The following LAMB1 variants were observed in gnomAD, a reference collection of about 807,000 sequenced individuals.
LAMB1 encodes laminin subunit beta-1.
Under a neutral mutation model 222.3 loss-of-function variants are expected in LAMB1, and 121 were observed. The ratio of observed to expected loss-of-function variants is 0.54; its 90% CI spans 0.47 to 0.63. The LOEUF is 0.63. Ranked by LOEUF, LAMB1 falls within the 30% of genes least tolerant of loss-of-function variation. The pLI is 0.00. For synonymous variants in LAMB1, 794 were observed against 807.2 expected, an observed-to-expected ratio of 0.98 and a Z score of 0.28; for missense variants, 2,172 against 2,240.8, an observed-to-expected ratio of 0.97 and a Z score of 0.62.
intron 28 of LAMB1, 133 bp downstream of exon 28, chr7:107,932,041 C>T (rs2116326873): frequency 1.2e-6 from 1 of 847,028 alleles, no homozygotes; most frequent in Non-Finnish European, 1.9e-6. Flanking sequence ...GAAACATGAA[C>T]TTTCATATTT....
intron 27 of LAMB1, among the ~76,000 whole-genome samples, chr7:107,933,154 C>T (rs1331686953): frequency 6.6e-6 from 1 of 152,160 alleles, no homozygotes; most frequent in Non-Finnish European, 1.5e-5. Flanking sequence ...TTGGTCATGG[C>T]ATACAAATGC....
intron 24 of LAMB1, among the ~76,000 whole-genome samples, chr7:107,947,279 G>T (rs1221591985): frequency 6.6e-6 from 1 of 152,136 alleles, no homozygotes; most frequent in Admixed American, 6.5e-5. Context: ...TACTTAGCTA[G>T]GACTTAAATC....
chr7:107,929,129 C>A lies in LAMB1; in HGVS notation c.4822G>T (p.Ala1608Ser), dbSNP rs367600316. 34 of 1,613,882 alleles carry A rather than the reference C, an allele frequency of 2.1e-5. No individual in the cohort carries two copies. Among genetic ancestry groups the A allele is most frequent in the Non-Finnish European group, 2.8e-5 (33 of 1,179,952 alleles). Residue 1608 changes from alanine (A) to serine (S), a missense_variant, in exon 31 of 34, where the codon GCA (alanine) becomes TCA (serine). Coordinates refer to ENST00000222399, the MANE Select transcript of LAMB1 (RefSeq NM_002291.3). ...GCTTGTTTAATTGCCTTCTCTGCTG[C>A]GACCTGGGCCTTTTCTGCTTCTTCC... The part of the protein sequence containing the change: ...ALEEAEKAQV[A>S]AEKAIKQADE...
At chr7:107,995,965 G>C (rs562564780) in intron 4 of LAMB1, among the ~76,000 whole-genome samples, 1 of 152,136 alleles carries the variant, frequency 6.6e-6, no homozygotes, top group Non-Finnish European at 1.5e-5. Flanking sequence ...GGTGAGGAAA[G>C]TGGTCATTGG....
Position 107,931,464 on chromosome 7 carries a change from GT to G in LAMB1, c.4428del (p.Lys1476AsnfsTer9). On this transcript the variant is annotated frameshift_variant, in exon 29 of 34. Coordinates refer to ENST00000222399, the MANE Select transcript of LAMB1 (RefSeq NM_002291.3). LOFTEE classifies it high-confidence loss of function. ...TTCAACAGAATGTCTTCAGCACTTT[GT>G]TTTGCCTCATCTGCCCTCAGTTTTG... The part of the protein sequence containing the change: ...SEAKLRADEA[K>X]QSAEDILLKT... 1 of 1,613,626 alleles carries G rather than the reference GT, an allele frequency of 6.2e-7. No homozygotes were observed.
chr7:107,978,863 A>T (rs917144109), intron 8 of LAMB1, among the ~76,000 whole-genome samples: 1 of 152,222 alleles, frequency 6.6e-6, no homozygotes, highest in Non-Finnish European at 1.5e-5. Context: ...CTTGAGGCAT[A>T]TAAATGATAA....
At chr7:107,951,145 T>C (rs2033238759) in intron 24 of LAMB1, 81 bp downstream of exon 24, 1 of 991,594 alleles carries the variant, frequency 1.0e-6, no homozygotes, top group African/African-American at 1.6e-5. Flanking sequence ...TACTGTGTTT[T>C]ATAATTTACA....
chr7:107,986,965 T>C (rs1380406212), intron 5 of LAMB1, among the ~76,000 whole-genome samples: 6 of 152,176 alleles, frequency 3.9e-5, no homozygotes, highest in Non-Finnish European at 2.9e-5. Flanking sequence ...CCCGGAAGAA[T>C]TGAAAACAGG....
intron 13 of LAMB1, among the ~76,000 whole-genome samples, chr7:107,966,302 T>C (rs1252307300): frequency 6.6e-6 from 1 of 151,798 alleles, no homozygotes; most frequent in African/African-American, 2.4e-5. Context: ...CCTCCGCCTC[T>C]TGGGTTCAAG....
At chr7:107,948,908 A>T (rs2033183976) in intron 24 of LAMB1, among the ~76,000 whole-genome samples, 1 of 151,464 alleles carries the variant, frequency 6.6e-6, no homozygotes, top group Admixed American at 6.6e-5. Context: ...TATCTTACAG[A>T]AAAAAAAAGG....
At chr7:107,990,240 T>C (rs1045718528) in intron 5 of LAMB1, among the ~76,000 whole-genome samples, 5 of 152,110 alleles carry the variant, frequency 3.3e-5, no homozygotes, top group African/African-American at 1.2e-4. Flanking sequence ...GGTCTTGCTA[T>C]GCTGTCCAGG....
chr7:107,988,250 G>T (rs187079807), intron 5 of LAMB1, among the ~76,000 whole-genome samples: 1 of 152,356 alleles, frequency 6.6e-6, no homozygotes, highest in Non-Finnish European at 1.5e-5. Flanking sequence ...TGCCAATGAC[G>T]ACAACGTGGA....
In LAMB1 at chr7:107,978,172, A is replaced by T. The variant is rs1216065133; in HGVS notation, c.880-5T>A. ...GCACATGCAGTGTCCGTGAACCTTG[A>T]AAGTTATAAAAACAGGAGAGAACAA... On this transcript the variant is annotated splice_polypyrimidine_tract_variant and splice_region_variant and intron_variant, in intron 8 of 33. Transcript: ENST00000222399. 6.2e-7 allele frequency: 1 copy of T among 1,613,316 alleles called. No homozygotes were observed. The highest frequency in any genetic ancestry group is 8.5e-7 in the Non-Finnish European group (1 of 1,179,710).
intron 32 of LAMB1, among the ~76,000 whole-genome samples, chr7:107,924,639 T>A (rs567431308): frequency 6.6e-6 from 1 of 152,336 alleles, no homozygotes; most frequent in Non-Finnish European, 1.5e-5. Context: ...TCCTGATTAT[T>A]ACTTTTCTAT....
chr7:108,001,424 A>C (rs2034380212), intron 3 of LAMB1, 134 bp downstream of exon 3: 9 of 973,622 alleles, frequency 9.2e-6, no homozygotes, highest in Non-Finnish European at 1.2e-5. Context: ...CTACAAGCCT[A>C]ATCCCGGGAC....
chr7:107,988,250 G>A (rs187079807), intron 5 of LAMB1, among the ~76,000 whole-genome samples: 2 of 152,238 alleles, frequency 1.3e-5, no homozygotes, highest in Admixed American at 6.5e-5. Context: ...TGCCAATGAC[G>A]ACAACGTGGA....
At chr7:107,944,270 A>G (rs1207279108) in intron 24 of LAMB1, among the ~76,000 whole-genome samples, 2 of 152,176 alleles carry the variant, frequency 1.3e-5, no homozygotes, top group Admixed American at 6.5e-5. Context: ...TCTTGCTCCC[A>G]TTCTGTCATA....
intron 24 of LAMB1, among the ~76,000 whole-genome samples, chr7:107,948,732 A>T (rs73412525): frequency 0.034 from 5,167 of 152,010 alleles, 298 homozygotes; most frequent in African/African-American, 0.12. Flanking sequence ...AATTGCTTGA[A>T]GTGAATGTGG....
At chr7:107,998,603 G>T in intron 3 of LAMB1, 111 bp from the exon 4 acceptor site, 1 of 862,440 alleles carries the variant, frequency 1.2e-6, no homozygotes, top group African/African-American at 1.7e-5. Flanking sequence ...TTAGCTTCAA[G>T]AAAAATAATT....
Sources: allele counts gnomAD v4.1 joint callset (sites outside exome capture counted in the v4.1 genomes callset), GRCh38; gene constraint gnomAD v4.1.1; transcripts MANE v1.5; gene names NCBI Gene and HGNC (gene_info 2026-07-23, HGNC 2026-07-21).